Variants in CDKL1 observed in about 807,000 individuals in gnomAD.
CDKL1 encodes cyclin dependent kinase like 1, also known as cyclin-dependent kinase-like 1.
CDKL1 carries 41 observed loss-of-function variants against 42.0 expected under a neutral mutation model. The observed-to-expected ratio is 0.98, with a 90% CI of 0.76 to 1.27. The LOEUF is 1.27. Ranked by LOEUF, CDKL1 falls within the 50% of genes most tolerant of loss-of-function variation. The probability of loss-of-function intolerance (pLI) is 0.00; values close to 1 mark genes in which losing one functional copy is unlikely to be tolerated. For missense variants in CDKL1, 394 were observed against 428.4 expected (o/e 0.92, Z 0.71); for synonymous variants, 153 against 158.6 (o/e 0.96, Z 0.26).
At chr14:50,370,032 T>C (rs1415975466) in intron 2 of CDKL1, among the ~76,000 whole-genome samples, 1 of 152,144 alleles carries the variant, frequency 6.6e-6, no homozygotes, top group African/African-American at 2.4e-5. Flanking sequence ...TACCTTTTTT[T>C]TTGTGGTAAG....
At chr14:50,358,921 T>G in intron 3 of CDKL1, 107 bp downstream of exon 3, 4 of 1,099,348 alleles carry the variant, frequency 3.6e-6, no homozygotes, top group Non-Finnish European at 5.4e-6. Flanking sequence ...ATTACTGGCA[T>G]GAGCCACTGC....
Position 50,341,214 on chromosome 14 carries a change from T to G in CDKL1, c.473A>C (p.Tyr158Ser), listed in dbSNP as rs1184018514. 2 of 1,608,584 alleles carry G rather than the reference T, an allele frequency of 1.2e-6. No individual in the cohort carries two copies. The highest frequency in any genetic ancestry group is 1.7e-6 in the Non-Finnish European group (2 of 1,176,078). Residue 158 changes from tyrosine (Y) to serine (S), a missense_variant, in exon 6 of 10, where the codon TAT becomes TCT. Coordinates refer to ENST00000395834, the MANE Select transcript of CDKL1 (RefSeq NM_004196.7). The part of the protein sequence containing the change: ...ARLLTGPSDY[Y>S]TDYVATRWYR... Reference sequence around the variant, plus strand: ...CCACCTGGTAGCCACGTAGTCTGTATAGTAGTCACTCGGTCCAGCTAGCCA... The same window carrying G: ...CCACCTGGTAGCCACGTAGTCTGTAGAGTAGTCACTCGGTCCAGCTAGCCA...
At chr14:50,375,826 G>A (rs1352665495) in intron 2 of CDKL1, among the ~76,000 whole-genome samples, 1 of 152,050 alleles carries the variant, frequency 6.6e-6, no homozygotes, top group Non-Finnish European at 1.5e-5. Flanking sequence ...AAGTCATGTT[G>A]ATAGTATGTA....
intron 2 of CDKL1, among the ~76,000 whole-genome samples, chr14:50,367,946 A>T (rs925510685): frequency 6.6e-6 from 1 of 152,058 alleles, no homozygotes; most frequent in African/African-American, 2.4e-5. Context: ...GTTTTTTAAA[A>T]TTTTCATTTT....
intron 7 of CDKL1, chr14:50,334,835 C>G (rs2033165523): frequency 1.9e-6 from 1 of 519,678 alleles, no homozygotes; most frequent in African/African-American, 2.0e-5. Flanking sequence ...TGCTTCGTAA[C>G]TACTCCCTTA....
chr14:50,327,838 G>T lies in CDKL1; in HGVS notation c.*2236C>A, dbSNP rs1566565301. ...TCAGGTAGAAAAATGAATTTTCGTTGTGTTTAACAATGTTGTGTTTAACAG... is the reference window on the plus strand; with the variant it reads ...TCAGGTAGAAAAATGAATTTTCGTTTTGTTTAACAATGTTGTGTTTAACAG... On this transcript the variant is annotated 3_prime_UTR_variant, in exon 10 of 10. Transcript: ENST00000395834. The T allele has an allele frequency of 6.6e-6, 1 of 152,094 alleles. No individual in the cohort carries two copies. Among genetic ancestry groups the T allele is most frequent in the Non-Finnish European group, 1.5e-5 (1 of 68,006 alleles). 9.4% of individuals were successfully genotyped at this position (152,094 alleles called of 1,614,324 possible).
At chr14:50,333,656 C>G (rs781013465) in intron 8 of CDKL1, 2 of 152,188 alleles carry the variant, frequency 1.3e-5, no homozygotes, top group Non-Finnish European at 2.9e-5. Flanking sequence ...TTTGCTTCCA[C>G]TTTACTGTGT....
chr14:50,397,201 A>G, upstream of CDKL1: 2 of 1,366,588 alleles, frequency 1.5e-6, no homozygotes, highest in African/African-American at 1.5e-5. Context: ...ATTTCCCTGC[A>G]ACAGCAGTCC....
At position 50,337,031 on chromosome 14, in the gene CDKL1, C is replaced by T. The variant is rs752966399; in HGVS notation, c.738+1916G>A. Reference sequence around the variant, plus strand: ...TTTTGTTTTTGTTTTTGTTTTGAGACGGAATCTGGCCCTGTTGCCCAGGCT... The same window carrying T: ...TTTTGTTTTTGTTTTTGTTTTGAGATGGAATCTGGCCCTGTTGCCCAGGCT... On this transcript the variant is annotated intron_variant, in intron 7 of 9. Coordinates refer to ENST00000395834, the MANE Select transcript of CDKL1 (RefSeq NM_004196.7). Among the ~76,000 whole-genome samples, 5 of 152,008 alleles carry T rather than the reference C, an allele frequency of 3.3e-5. No individual in the cohort carries two copies. In the East Asian group the frequency reaches 7.7e-4, roughly 23 times the overall value.
chr14:50,382,318 T>A (rs990872372), intron 2 of CDKL1, among the ~76,000 whole-genome samples: 1 of 151,984 alleles, frequency 6.6e-6, no homozygotes, highest in Admixed American at 6.6e-5. Context: ...CCAGGCGTGG[T>A]AGCGGGCGCC....
chr14:50,335,848 T>C lies in CDKL1; in HGVS notation c.739-1227A>G, dbSNP rs1459842102. ...CCAGCTCCCAATAACCAATTCTGGA[T>C]TGTACACATACTAATCATTGATAAG... On this transcript the variant is annotated intron_variant, in intron 7 of 9. Coordinates refer to ENST00000395834, the MANE Select transcript of CDKL1 (RefSeq NM_004196.7). 5 of 1,286,138 alleles carry C rather than the reference T, an allele frequency of 3.9e-6. No homozygotes were observed. The African/African-American group carries it at 7.6e-5, about 20-fold the overall frequency. 79.7% of individuals were successfully genotyped at this position (1,286,138 alleles called of 1,614,324 possible).
At chr14:50,361,092 T>C (rs2034233753) in intron 2 of CDKL1, among the ~76,000 whole-genome samples, 1 of 152,174 alleles carries the variant, frequency 6.6e-6, no homozygotes, top group African/African-American at 2.4e-5. Context: ...TTGTTTCACC[T>C]ACATTCCCCA....
intron 2 of CDKL1, among the ~76,000 whole-genome samples, chr14:50,365,456 G>A (rs970556816): frequency 1.3e-5 from 2 of 151,854 alleles, no homozygotes; most frequent in Non-Finnish European, 1.5e-5. Context: ...TCCTAATGAG[G>A]GGTTATAAAT....
At chr14:50,347,335 T>G (rs149783595) in intron 3 of CDKL1, among the ~76,000 whole-genome samples, 1 of 152,112 alleles carries the variant, frequency 6.6e-6, no homozygotes, top group Non-Finnish European at 1.5e-5. Flanking sequence ...TTCTGTGGTG[T>G]TGGATTTAGA....
In CDKL1 at chr14:50,378,815, A is replaced by T. The variant is rs906044355; in HGVS notation, c.168+16886T>A. On this transcript the variant is annotated intron_variant, in intron 2 of 9. Coordinates refer to ENST00000395834, the MANE Select transcript of CDKL1 (RefSeq NM_004196.7). ...GCATCCCAAAGTGTTGGGATTACAG[A>T]CGTGGGATACTGTGAGACACTGTGC... Among the ~76,000 whole-genome samples the T allele has an allele frequency of 8.0e-5, 12 of 150,324 alleles. No homozygotes were observed. In the East Asian group the frequency reaches 2.0e-3, roughly 25 times the overall value.
At chr14:50,391,783 A>T (rs1419228437) in intron 2 of CDKL1, among the ~76,000 whole-genome samples, 1 of 152,084 alleles carries the variant, frequency 6.6e-6, no homozygotes, top group Non-Finnish European at 1.5e-5. Context: ...TCCAACATCA[A>T]GTTTTTTCTC....
chr14:50,382,152 G>A (rs1288710525), intron 2 of CDKL1, among the ~76,000 whole-genome samples: 1 of 152,134 alleles, frequency 6.6e-6, no homozygotes, highest in Non-Finnish European at 1.5e-5. Flanking sequence ...GTAAAAAGGT[G>A]GATTAAAACA....
chr14:50,353,137 G>A (rs1172968526), intron 3 of CDKL1, among the ~76,000 whole-genome samples: 3 of 152,202 alleles, frequency 2.0e-5, no homozygotes, highest in Non-Finnish European at 4.4e-5. Flanking sequence ...GATGCATTAT[G>A]TGTTCGTTTC....
chr14:50,373,725 C>A (rs1050084879), intron 2 of CDKL1, among the ~76,000 whole-genome samples: 2 of 152,140 alleles, frequency 1.3e-5, no homozygotes, highest in African/African-American at 4.8e-5. Context: ...CAATGAGATA[C>A]CATTACACAC....
Sources: allele counts gnomAD v4.1 joint callset (sites outside exome capture counted in the v4.1 genomes callset), GRCh38; gene constraint gnomAD v4.1.1; transcripts MANE v1.5; gene names NCBI Gene and HGNC (gene_info 2026-07-23, HGNC 2026-07-21).